The following DLG2 variants were observed in gnomAD, a reference collection of about 807,000 sequenced individuals.
DLG2 encodes the protein discs large MAGUK scaffold protein 2, also known as disks large homolog 2.
Under a neutral mutation model 132.5 loss-of-function variants are expected in DLG2, and 45 were observed. The observed-to-expected ratio is 0.34, with a 90% CI of 0.27 to 0.44. DLG2 has a LOEUF of 0.44. Among genes scored for constraint, DLG2 ranks in the 20% least tolerant of loss-of-function variants. DLG2 has a pLI of 1.00. For missense variants in DLG2, 1,045 were observed against 1,196.9 expected, an observed-to-expected ratio of 0.87 and a Z score of 1.87; for synonymous variants, 424 against 419.6, an observed-to-expected ratio of 1.01 and a Z score of -0.13.
chr11:83,546,999 G>A (rs6592124), intron 19 of DLG2, among the ~76,000 whole-genome samples: 2 of 151,920 alleles, frequency 1.3e-5, no homozygotes. Context: ...AATTTCCTAC[G>A]ATACCAACCT....
chr11:84,523,112 C>G (rs950368941), intron 7 of DLG2, among the ~76,000 whole-genome samples: 2 of 152,104 alleles, frequency 1.3e-5, no homozygotes, highest in African/African-American at 4.8e-5. Flanking sequence ...TTAACAATTT[C>G]CAATCATTAC....
intron 4 of DLG2, among the ~76,000 whole-genome samples, chr11:85,218,698 A>G (rs2082788031): frequency 6.6e-6 from 1 of 152,204 alleles, no homozygotes; most frequent in African/African-American, 2.4e-5. Flanking sequence ...CATTTGGCCT[A>G]GTAATCCCAT....
intron 15 of DLG2, among the ~76,000 whole-genome samples, chr11:83,925,072 G>A (rs1402517071): frequency 6.6e-6 from 1 of 152,068 alleles, no homozygotes; most frequent in Non-Finnish European, 1.5e-5. Flanking sequence ...ATAAGCAGGA[G>A]GCCCTTAGGT....
intron 20 of DLG2, among the ~76,000 whole-genome samples, chr11:83,537,536 C>T (rs1327697008): frequency 7.2e-5 from 11 of 152,068 alleles, no homozygotes; most frequent in South Asian, 2.1e-4. Context: ...ATGGGACAGC[C>T]AGGCGCGGTG....
chr11:84,586,993 T>C lies in DLG2; in HGVS notation c.358-52262A>G, dbSNP rs563919007. The stretch of plus-strand genomic sequence containing the variant: ...AAAGTCAGAAAACTCAATCACTTTT[T>C]TGCAGACACTTGAATCATTTTCTTA... On this transcript the variant is annotated intron_variant, in intron 6 of 27. Coordinates refer to ENST00000376104, the MANE Select transcript of DLG2 (RefSeq NM_001142699.3). Among the ~76,000 whole-genome samples the C allele has an allele frequency of 2.6e-5, 4 of 152,334 alleles. No homozygotes were observed. The South Asian group carries it at 8.3e-4, about 32-fold the overall frequency.
At chr11:85,118,236 C>A (rs1255377892) in intron 5 of DLG2, among the ~76,000 whole-genome samples, 2 of 152,054 alleles carry the variant, frequency 1.3e-5, no homozygotes, top group African/African-American at 2.4e-5. Flanking sequence ...GAATTTGCCT[C>A]TTTTGTAAAT....
At chr11:84,656,588 C>G (rs1003420395) in intron 6 of DLG2, among the ~76,000 whole-genome samples, 4 of 152,118 alleles carry the variant, frequency 2.6e-5, no homozygotes, top group Non-Finnish European at 4.4e-5. Flanking sequence ...TGAAAAGTCT[C>G]TTGACTCTAC....
At chr11:84,176,472 A>T (rs1301212716) in intron 8 of DLG2, among the ~76,000 whole-genome samples, 2 of 151,538 alleles carry the variant, frequency 1.3e-5, no homozygotes, top group Non-Finnish European at 2.9e-5. Context: ...TGTGTTCAAT[A>T]TTCATACAGA....
At chr11:83,686,403 T>C (rs1308887451) in intron 18 of DLG2, among the ~76,000 whole-genome samples, 1 of 152,108 alleles carries the variant, frequency 6.6e-6, no homozygotes, top group Non-Finnish European at 1.5e-5. Context: ...AAATATTGTA[T>C]ATTAAATGTA....
intron 3 of DLG2, among the ~76,000 whole-genome samples, chr11:85,322,108 C>T (rs916340451): frequency 1.3e-5 from 2 of 152,000 alleles, no homozygotes; most frequent in Non-Finnish European, 2.9e-5. Flanking sequence ...CTCCAAAGTG[C>T]CCTACTATAT....
intron 6 of DLG2, among the ~76,000 whole-genome samples, chr11:84,540,890 A>G (rs1380405256): frequency 1.3e-5 from 2 of 152,172 alleles, no homozygotes; most frequent in Non-Finnish European, 2.9e-5. Context: ...TGTACTTTGT[A>G]GGGACATGGA....
chr11:84,398,060 T>C (rs2098816857), intron 7 of DLG2, among the ~76,000 whole-genome samples: 1 of 152,226 alleles, frequency 6.6e-6, no homozygotes, highest in Admixed American at 6.5e-5. Flanking sequence ...GGAATCTAAG[T>C]GATACTGTTA....
At chr11:83,889,668 A>T (rs1219536710) in intron 15 of DLG2, among the ~76,000 whole-genome samples, 1 of 152,162 alleles carries the variant, frequency 6.6e-6, no homozygotes, top group Non-Finnish European at 1.5e-5. Flanking sequence ...ATGTATGTTT[A>T]TTTCGGCACT....
intron 6 of DLG2, among the ~76,000 whole-genome samples, chr11:84,908,158 G>C (rs2091725477): frequency 6.6e-6 from 1 of 151,620 alleles, no homozygotes; most frequent in Non-Finnish European, 1.5e-5. Context: ...ACAAATGAGA[G>C]CCATATATGT....
rs146309271 is a variant in DLG2 at position 83,463,667 on chromosome 11, T to C, written c.2730-1574A>G. Among the ~76,000 whole-genome samples the C allele has an allele frequency of 3.3e-3, 495 of 152,282 alleles. 6 individuals are homozygous for C. The highest frequency in any genetic ancestry group is 0.011 in the African/African-American group (469 of 41,550). On this transcript the variant is annotated intron_variant, in intron 26 of 27. Transcript: ENST00000376104. ...TTAGCTGGGTATGGTGGCACATACC[T>C]TTAGTCCCAGCTACTTGGGAGGCTG...
chr11:85,257,021 A>G (rs1024419438), intron 4 of DLG2, among the ~76,000 whole-genome samples: 4 of 152,256 alleles, frequency 2.6e-5, no homozygotes, highest in African/African-American at 9.6e-5. Flanking sequence ...GAAAAAATGG[A>G]AAGTGTACAT....
At chr11:85,519,975 T>C (rs1249165600) in intron 3 of DLG2, among the ~76,000 whole-genome samples, 2 of 152,192 alleles carry the variant, frequency 1.3e-5, no homozygotes, top group Non-Finnish European at 2.9e-5. Flanking sequence ...CCCCATTCTT[T>C]TGTAAATTGC....
intron 6 of DLG2, among the ~76,000 whole-genome samples, chr11:85,062,233 G>C (rs2064227947): frequency 1.3e-5 from 2 of 151,774 alleles, no homozygotes; most frequent in Non-Finnish European, 2.9e-5. Flanking sequence ...GAAAAGTACA[G>C]TTTGACATTT....
intron 15 of DLG2, among the ~76,000 whole-genome samples, chr11:83,901,179 A>G (rs902009960): frequency 2.0e-5 from 3 of 152,122 alleles, no homozygotes; most frequent in East Asian, 1.9e-4. Flanking sequence ...CTTGCTTTTG[A>G]TTTTACAGGC....
Sources: allele counts gnomAD v4.1 joint callset (sites outside exome capture counted in the v4.1 genomes callset), GRCh38; gene constraint gnomAD v4.1.1; transcripts MANE v1.5; gene names NCBI Gene and HGNC (gene_info 2026-07-23, HGNC 2026-07-21).